RPTOR: variants seen among roughly 807,000 people sequenced by gnomAD.
RPTOR encodes regulatory associated protein of MTOR complex 1, also known as regulatory-associated protein of mTOR.
Under a neutral mutation model 169.9 loss-of-function variants are expected in RPTOR, and 21 were observed. The observed-to-expected ratio is 0.12, with a 90% confidence interval of 0.09 to 0.18. RPTOR has a LOEUF of 0.18. Ranked by LOEUF, RPTOR falls within the 10% of genes least tolerant of loss-of-function variation. The probability of loss-of-function intolerance (pLI) is 1.00; values close to 1 mark genes in which losing one functional copy is unlikely to be tolerated. For missense variants in RPTOR, 1,133 were observed against 1,855.9 expected (o/e 0.61, Z 7.16); for synonymous variants, 732 against 753.2 (o/e 0.97, Z 0.46).
intron 3 of RPTOR, among the ~76,000 whole-genome samples, chr17:80,696,645 G>A (rs191762426): frequency 1.2e-4 from 19 of 152,322 alleles, no homozygotes; most frequent in Non-Finnish European, 2.5e-4. Context: ...TGCAGTGGGC[G>A]CAGAAGGGAC....
chr17:80,786,016 G>T (rs1028800544), intron 6 of RPTOR, among the ~76,000 whole-genome samples: 2 of 152,108 alleles, frequency 1.3e-5, no homozygotes, highest in Non-Finnish European at 2.9e-5. Context: ...TGGCTAGGTG[G>T]GGTGGGTGGT....
At chr17:80,660,195 C>T (rs2065711328) in intron 3 of RPTOR, among the ~76,000 whole-genome samples, 1 of 150,800 alleles carries the variant, frequency 6.6e-6, no homozygotes, top group Non-Finnish European at 1.5e-5. Context: ...TGCTTGAACC[C>T]AGGAGATGGA....
chr17:80,694,842 C>T (rs985698041), intron 3 of RPTOR, among the ~76,000 whole-genome samples: 7 of 152,332 alleles, frequency 4.6e-5, no homozygotes, highest in Middle Eastern at 3.4e-3. Flanking sequence ...CACTCATGGG[C>T]ATGTTGGCCT....
rs1020067418 is a variant in RPTOR, at chr17:80,820,174, C to T, written c.891-2027C>T. ...ACAGAGCTTCGGCGTGTGGTCTGGG[C>T]GCTGTCTGTCCTCTGCATGGCTTTG... On this transcript the variant is annotated intron_variant, in intron 7 of 33. Transcript: ENST00000306801. The surrounding 1 kb of genome is among the most constrained non-coding windows in gnomAD (Gnocchi z 4.1). 2.5e-4 allele frequency among the ~76,000 whole-genome samples: 38 copies of T among 152,312 alleles called. No individual in the cohort carries two copies. Among genetic ancestry groups the T allele is most frequent in the Admixed American group, 1.6e-3 (25 of 15,310 alleles).
intron 24 of RPTOR, among the ~76,000 whole-genome samples, chr17:80,937,418 T>C (rs1172521641): frequency 3.9e-5 from 6 of 152,238 alleles, no homozygotes; most frequent in Non-Finnish European, 8.8e-5. Flanking sequence ...GTAAGTCTTC[T>C]GGGGAACCTC....
chr17:80,606,738 T>C (rs2065232118), intron 1 of RPTOR, among the ~76,000 whole-genome samples: 1 of 152,200 alleles, frequency 6.6e-6, no homozygotes, highest in African/African-American at 2.4e-5. Context: ...TGTTCACTAC[T>C]GTTTACCTGT....
intron 7 of RPTOR, among the ~76,000 whole-genome samples, chr17:80,794,982 C>T (rs1055220908): frequency 6.6e-6 from 1 of 152,178 alleles, no homozygotes; most frequent in Non-Finnish European, 1.5e-5. Flanking sequence ...TCCACAGATC[C>T]ACCCACACGT....
intron 20 of RPTOR, among the ~76,000 whole-genome samples, chr17:80,904,370 G>A (rs190390631): frequency 7.2e-5 from 11 of 152,300 alleles, no homozygotes; most frequent in Non-Finnish European, 1.3e-4. Context: ...CCTTGGGGTG[G>A]CGGCTGGCAG....
intron 4 of RPTOR, among the ~76,000 whole-genome samples, chr17:80,713,590 A>G (rs2066214828): frequency 6.6e-6 from 1 of 152,224 alleles, no homozygotes; most frequent in African/African-American, 2.4e-5. Flanking sequence ...ATACAAAGAC[A>G]TATGAAGTTT....
chr17:80,724,290 A>ATGAG lies in RPTOR; in HGVS notation c.508-6267_508-6264dup, dbSNP rs576675706. ...GGCCATGTCCTGAGAGGTGGGGGCC[A>ATGAG]TGAGTGCCAGGATGGAAGGGTCAGG... On this transcript the variant is annotated intron_variant, in intron 4 of 33. Coordinates refer to ENST00000306801, the MANE Select transcript of RPTOR (RefSeq NM_020761.3). Among the ~76,000 whole-genome samples, 168 of 151,292 alleles carry ATGAG rather than the reference A, an allele frequency of 1.1e-3. 11 individuals carry two copies. Among genetic ancestry groups the ATGAG allele is most frequent in the African/African-American group, 4.1e-3 (166 of 40,592 alleles).
intron 9 of RPTOR, among the ~76,000 whole-genome samples, chr17:80,835,673 T>G (rs2067555601): frequency 6.6e-6 from 1 of 152,254 alleles, no homozygotes; most frequent in Admixed American, 6.5e-5. Context: ...CAAAATTGTG[T>G]AAAATTCGCT....
intron 6 of RPTOR, among the ~76,000 whole-genome samples, chr17:80,768,567 C>G (rs889667860): frequency 2.6e-5 from 4 of 151,852 alleles, no homozygotes; most frequent in Admixed American, 6.5e-5. Context: ...GCCCCGGCCT[C>G]ACTCCTGCCT....
chr17:80,654,815 A>G (rs2065667648), intron 3 of RPTOR, among the ~76,000 whole-genome samples: 1 of 152,264 alleles, frequency 6.6e-6, no homozygotes, highest in Non-Finnish European at 1.5e-5. Context: ...ATTTGAGGAA[A>G]TCAAGAGTCA....
chr17:80,791,254 T>C (rs1423929107), intron 6 of RPTOR, among the ~76,000 whole-genome samples, 196 bp from the exon 7 acceptor site: 1 of 152,184 alleles, frequency 6.6e-6, no homozygotes. Context: ...AGCTCTGTAG[T>C]CTCACGCCTT....
In RPTOR at chr17:80,647,529, C is replaced by T. The variant is rs202015721; in HGVS notation, c.348+3719C>T. Reference sequence around the variant, plus strand: ...GAGGGGCCTCGCTCTCTGTGTCCTTCTTTCCCCAGAGAGAGTGGACAACAC... The same window carrying T: ...GAGGGGCCTCGCTCTCTGTGTCCTTTTTTCCCCAGAGAGAGTGGACAACAC... On this transcript the variant is annotated intron_variant, in intron 3 of 33. Coordinates refer to ENST00000306801, the MANE Select transcript of RPTOR (RefSeq NM_020761.3). Among the ~76,000 whole-genome samples, 6 of 152,318 alleles carry T rather than the reference C, an allele frequency of 3.9e-5. No homozygotes were observed. The East Asian group carries it at 9.6e-4, about 24-fold the overall frequency.
intron 3 of RPTOR, among the ~76,000 whole-genome samples, chr17:80,653,654 T>C (rs912916697): frequency 4.6e-5 from 7 of 152,324 alleles, no homozygotes; most frequent in South Asian, 2.1e-4. Context: ...GGGCGGTGCA[T>C]GTCCACACCA....
intron 6 of RPTOR, among the ~76,000 whole-genome samples, chr17:80,785,663 T>G (rs1041622231): frequency 6.6e-6 from 1 of 152,032 alleles, no homozygotes; most frequent in Admixed American, 6.5e-5. Flanking sequence ...AGGAATGTTT[T>G]GTGGCCCGAG....
At chr17:80,929,032 T>C (rs1445664085) in intron 24 of RPTOR, among the ~76,000 whole-genome samples, 1 of 152,230 alleles carries the variant, frequency 6.6e-6, no homozygotes, top group Non-Finnish European at 1.5e-5. Flanking sequence ...AAACCACTAA[T>C]ATACATGTCC....
At chr17:80,869,750 C>T (rs1217545573) in intron 13 of RPTOR, among the ~76,000 whole-genome samples, 3 of 152,154 alleles carry the variant, frequency 2.0e-5, no homozygotes, top group Admixed American at 2.0e-4. Flanking sequence ...TGTCCTTTTC[C>T]TTAGGAATAT....
Sources: gnomAD v4.1 joint callset for allele counts (sites outside exome capture counted in the v4.1 genomes callset) on GRCh38, gnomAD v4.1.1 for gene constraint, Gnocchi (gnomAD v3.1) non-coding constraint, MANE v1.5 for transcripts, NCBI Gene and HGNC (gene_info 2026-07-23, HGNC 2026-07-21) for gene names.